The following GRIK2 variants were observed in gnomAD, a reference collection of about 807,000 sequenced individuals.
GRIK2 encodes glutamate receptor ionotropic, kainate 2.
Under a neutral mutation model 100.3 loss-of-function variants are expected in GRIK2, and 32 were observed. The observed-to-expected ratio is 0.32, with a 90% confidence interval of 0.24 to 0.43. The LOEUF is 0.43. GRIK2 is among the 20% of genes least tolerant of loss of function. GRIK2 has a pLI of 1.00. For synonymous variants in GRIK2, 417 were observed against 389.4 expected (o/e 1.07, Z -0.83); for missense variants, 843 against 1,114.9 (o/e 0.76, Z 3.47).
intron 15 of GRIK2, among the ~76,000 whole-genome samples, chr6:102,048,947 C>T (rs971133401): frequency 1.3e-5 from 2 of 151,818 alleles, no homozygotes; most frequent in African/African-American, 4.8e-5. Context: ...CCAGTAAGCC[C>T]TTTAGACTTT....
chr6:101,740,276 T>G (rs764810033), intron 7 of GRIK2, among the ~76,000 whole-genome samples: 3 of 152,192 alleles, frequency 2.0e-5, no homozygotes, highest in Non-Finnish European at 4.4e-5. Flanking sequence ...TGAGTGGTTC[T>G]TTGGCTATAA....
intron 11 of GRIK2, among the ~76,000 whole-genome samples, chr6:101,868,451 G>A (rs564057125): frequency 6.6e-6 from 1 of 151,660 alleles, no homozygotes; most frequent in African/African-American, 2.4e-5. Flanking sequence ...GAAGCAGTGG[G>A]CCGAAAAATT....
At chr6:101,498,696 C>G (rs1304822788) in intron 2 of GRIK2, among the ~76,000 whole-genome samples, 1 of 151,766 alleles carries the variant, frequency 6.6e-6, no homozygotes, top group East Asian at 1.9e-4. Context: ...ATATCCTTTG[C>G]CCACTTTTTG....
chr6:101,851,575 TA>T (rs1336230574), intron 10 of GRIK2, among the ~76,000 whole-genome samples: 9 of 152,064 alleles, frequency 5.9e-5, no homozygotes, highest in African/African-American at 2.2e-4. Context: ...TAATAGATGT[TA>T]TTTTTATAAA....
chr6:101,812,328 G>A lies in GRIK2; in HGVS notation c.1204-6042G>A, dbSNP rs372678978. On this transcript the variant is annotated intron_variant, in intron 9 of 16. Transcript: ENST00000369134. Reference sequence around the variant, plus strand: ...TTTATTTATTCAATAAATATTCATTGGATATTTATTATATAATTTAAAGAT... The same window carrying A: ...TTTATTTATTCAATAAATATTCATTAGATATTTATTATATAATTTAAAGAT... 4.0e-5 allele frequency among the ~76,000 whole-genome samples: 6 copies of A among 151,638 alleles called. No individual in the cohort carries two copies. In the East Asian group the frequency reaches 1.2e-3, roughly 29 times the overall value.
At chr6:101,599,922 A>G (rs1176302113) in intron 2 of GRIK2, among the ~76,000 whole-genome samples, 1 of 151,466 alleles carries the variant, frequency 6.6e-6, no homozygotes, top group African/African-American at 2.4e-5. Flanking sequence ...CCCACTTGTA[A>G]ATTTTTGTTT....
chr6:101,997,914 C>A (rs1011063647), intron 14 of GRIK2, among the ~76,000 whole-genome samples: 5 of 151,974 alleles, frequency 3.3e-5, no homozygotes, highest in African/African-American at 4.8e-5. Flanking sequence ...CTAAAAAAAT[C>A]TGCTTTATTT....
At chr6:101,555,353 A>G (rs1272884618) in intron 2 of GRIK2, among the ~76,000 whole-genome samples, 1 of 152,152 alleles carries the variant, frequency 6.6e-6, no homozygotes, top group Non-Finnish European at 1.5e-5. Context: ...AGTGGACCTT[A>G]TCCCCTTATG....
At chr6:101,406,741 C>T (rs1474706120) in intron 2 of GRIK2, among the ~76,000 whole-genome samples, 3 of 152,064 alleles carry the variant, frequency 2.0e-5, no homozygotes, top group African/African-American at 7.2e-5. Flanking sequence ...GATACACAGT[C>T]TTTTTCAAAT....
intron 16 of GRIK2, among the ~76,000 whole-genome samples, chr6:102,068,091 A>G (rs1427921767): frequency 6.6e-6 from 1 of 151,870 alleles, no homozygotes; most frequent in Non-Finnish European, 1.5e-5. Context: ...TATGTGTAAT[A>G]TATACATTAC....
At chr6:101,645,285 C>A (rs1401770455) in intron 4 of GRIK2, among the ~76,000 whole-genome samples, 1 of 151,744 alleles carries the variant, frequency 6.6e-6, no homozygotes, top group Middle Eastern at 3.2e-3. Flanking sequence ...CAATTATTTA[C>A]TTAATTGTGA....
At chr6:101,746,583 T>C (rs1776433310) in intron 7 of GRIK2, among the ~76,000 whole-genome samples, 1 of 152,154 alleles carries the variant, frequency 6.6e-6, no homozygotes, top group Non-Finnish European at 1.5e-5. Context: ...CACCTCAGCC[T>C]CCCAAAGTGC....
intron 2 of GRIK2, among the ~76,000 whole-genome samples, chr6:101,585,295 A>G (rs142759375): frequency 2.1e-3 from 323 of 152,202 alleles, no homozygotes; most frequent in Middle Eastern, 6.8e-3. Flanking sequence ...CTGAAATTGT[A>G]TATGTGTGTT....
At chr6:101,613,660 A>G (rs1461085763) in intron 2 of GRIK2, among the ~76,000 whole-genome samples, 1 of 151,554 alleles carries the variant, frequency 6.6e-6, no homozygotes, top group Non-Finnish European at 1.5e-5. Flanking sequence ...TATTTTATCT[A>G]TAATACATTA....
In GRIK2 at chr6:101,636,503, AAAAAG is replaced by A. The variant is rs566204615; in HGVS notation, c.541+9876_541+9880del. Among the ~76,000 whole-genome samples, 1,036 of 152,308 alleles carry A rather than the reference AAAAAG, an allele frequency of 6.8e-3. 10 individuals carry two copies. Among genetic ancestry groups the A allele is most frequent in the African/African-American group, 0.023 (952 of 41,550 alleles). ...ATCCCATAACTTAAAGTATAATAAA[AAAAAG>A]AAAAGAAAATTATTTCTTGGGTTCT... On this transcript the variant is annotated intron_variant, in intron 4 of 16. Transcript: ENST00000369134.
At chr6:101,431,816 T>A (rs1341590062) in intron 2 of GRIK2, among the ~76,000 whole-genome samples, 7 of 152,134 alleles carry the variant, frequency 4.6e-5, no homozygotes, top group Admixed American at 1.3e-4. Flanking sequence ...CTGAAGTGGT[T>A]CAAGGGGCAT....
At chr6:101,760,853 A>C (rs76303285) in intron 7 of GRIK2, among the ~76,000 whole-genome samples, 7 of 149,850 alleles carry the variant, frequency 4.7e-5, no homozygotes. Context: ...ATGAAAAGTT[A>C]ACACTGTCAT....
intron 2 of GRIK2, among the ~76,000 whole-genome samples, chr6:101,436,509 T>A (rs1326764980): frequency 6.6e-6 from 1 of 152,016 alleles, no homozygotes; most frequent in African/African-American, 2.4e-5. Flanking sequence ...GTGTGGTAGA[T>A]AATTAGGTTT....
intron 2 of GRIK2, among the ~76,000 whole-genome samples, chr6:101,569,575 T>C (rs1304293129): frequency 6.6e-6 from 1 of 151,968 alleles, no homozygotes; most frequent in Non-Finnish European, 1.5e-5. Flanking sequence ...TATCTAGTGA[T>C]ATACATGTAC....
Sources: allele counts gnomAD v4.1 joint callset (sites outside exome capture counted in the v4.1 genomes callset), GRCh38; gene constraint gnomAD v4.1.1; transcripts MANE v1.5; gene names NCBI Gene and HGNC (gene_info 2026-07-23, HGNC 2026-07-21).